Variants in HEMK2 observed in about 807,000 individuals in gnomAD.
The protein encoded by HEMK2 is methyltransferase HEMK2.
chr21:28,732,726 G>A, the HEMK2 span, among the ~76,000 whole-genome samples: 1 of 152,176 alleles, frequency 6.6e-6, no homozygotes, highest in Non-Finnish European at 1.5e-5. Flanking sequence ...CATATATCCA[G>A]TATGTGCACC....
the HEMK2 span, among the ~76,000 whole-genome samples, chr21:28,707,631 T>C: frequency 6.6e-6 from 1 of 152,126 alleles, no homozygotes; most frequent in East Asian, 1.9e-4. Flanking sequence ...TGCTTGTAAA[T>C]AGTTTTTCTA....
chr21:28,851,840 G>T, the HEMK2 span, among the ~76,000 whole-genome samples: 1 of 152,204 alleles, frequency 6.6e-6, no homozygotes, highest in Non-Finnish European at 1.5e-5. Context: ...AAGGTATACT[G>T]CTAGCCTTGC....
chr21:28,583,999 G>A, the HEMK2 span, among the ~76,000 whole-genome samples: 3 of 152,156 alleles, frequency 2.0e-5, no homozygotes, highest in African/African-American at 7.2e-5. Flanking sequence ...AGGAGTCTCT[G>A]AAAGCTACAT....
At chr21:28,837,942 T>C in the HEMK2 span, among the ~76,000 whole-genome samples, 3 of 152,072 alleles carry the variant, frequency 2.0e-5, no homozygotes, top group East Asian at 1.9e-4. Context: ...AAACCCAGAA[T>C]AGATGCATAC....
chr21:28,579,464 T>C, the HEMK2 span, among the ~76,000 whole-genome samples: 1 of 152,216 alleles, frequency 6.6e-6, no homozygotes, highest in Non-Finnish European at 1.5e-5. Context: ...GTCATTATTT[T>C]ACCTTTCTGG....
chr21:28,603,539 GAGGATATATA>G, the HEMK2 span, among the ~76,000 whole-genome samples: 1 of 133,092 alleles, frequency 7.5e-6, no homozygotes, highest in African/African-American at 2.9e-5. Flanking sequence ...TTATTTTACT[GAGGATATATA>G]TGTGTGTGTG....
the HEMK2 span, among the ~76,000 whole-genome samples, chr21:28,693,693 T>C: frequency 6.6e-6 from 1 of 152,232 alleles, no homozygotes; most frequent in Non-Finnish European, 1.5e-5. Flanking sequence ...CTTTCTTCTT[T>C]ATCATATTAA....
At chr21:28,792,472 A>G in the HEMK2 span, among the ~76,000 whole-genome samples, 2 of 152,154 alleles carry the variant, frequency 1.3e-5, no homozygotes, top group Admixed American at 1.3e-4. Flanking sequence ...TGAGACTTAG[A>G]GGGAAAAGCT....
the HEMK2 span, among the ~76,000 whole-genome samples, chr21:28,620,860 G>C: frequency 6.6e-6 from 1 of 151,334 alleles, no homozygotes. Context: ...TTTTAGTAGA[G>C]ACAGGGTTTC....
the HEMK2 span, among the ~76,000 whole-genome samples, chr21:28,842,528 A>C: frequency 1.3e-5 from 2 of 151,986 alleles, no homozygotes; most frequent in African/African-American, 4.8e-5. Flanking sequence ...CTTCCTGATG[A>C]CTCGTAGAGG....
chr21:28,814,252 A>G, the HEMK2 span, among the ~76,000 whole-genome samples: 1 of 152,154 alleles, frequency 6.6e-6, no homozygotes, highest in South Asian at 2.1e-4. Context: ...AAACACTTGA[A>G]TGTAAGACCT....
At chr21:28,626,438 T>C in the HEMK2 span, 1 of 152,110 alleles carries the variant, frequency 6.6e-6, no homozygotes, top group South Asian at 2.1e-4. Context: ...GAAAATGATA[T>C]GGCAAGCACA....
chr21:28,721,936 ACATAC>A, the HEMK2 span, among the ~76,000 whole-genome samples: 5 of 131,360 alleles, frequency 3.8e-5, no homozygotes, highest in East Asian at 2.6e-4. Context: ...ACACACACAC[ACATAC>A]ACCTATTTGA....
the HEMK2 span, among the ~76,000 whole-genome samples, chr21:28,868,073 T>C: frequency 6.6e-6 from 1 of 152,222 alleles, no homozygotes; most frequent in Non-Finnish European, 1.5e-5. Context: ...TACACATTTC[T>C]ATATATGTAC....
the HEMK2 span, among the ~76,000 whole-genome samples, chr21:28,711,673 T>C: frequency 4.6e-5 from 7 of 152,162 alleles, 1 homozygote; most frequent in South Asian, 1.5e-3. Flanking sequence ...GGAAACAATT[T>C]GACAGGGATC....
At chr21:28,662,269 G>A in the HEMK2 span, among the ~76,000 whole-genome samples, 119 of 152,258 alleles carry the variant, frequency 7.8e-4, no homozygotes, top group Admixed American at 1.4e-3. Flanking sequence ...AATTGCTGCT[G>A]CCAAGCTGAA....
chr21:28,576,283 G>T, the HEMK2 span, among the ~76,000 whole-genome samples: 2 of 152,102 alleles, frequency 1.3e-5, no homozygotes, highest in South Asian at 2.1e-4. Context: ...CTTTCTTGGG[G>T]TTAAGTGCTA....
chr21:28,828,240 GGT>G, the HEMK2 span, among the ~76,000 whole-genome samples: 1 of 152,120 alleles, frequency 6.6e-6, no homozygotes, highest in African/African-American at 2.4e-5. Context: ...CAACTCCAAG[GGT>G]TTAAAACCCC....
At chr21:28,880,925 AT>A in the HEMK2 span, among the ~76,000 whole-genome samples, 2 of 112,416 alleles carry the variant, frequency 1.8e-5, no homozygotes, top group African/African-American at 3.7e-5. Context: ...AAAATCATTT[AT>A]TTAAAAAAAA....
Sources: gnomAD v4.1 joint callset for allele counts (sites outside exome capture counted in the v4.1 genomes callset) on GRCh38, gnomAD v4.1.1 for gene constraint, MANE v1.5 for transcripts, NCBI Gene and HGNC (gene_info 2026-07-23, HGNC 2026-07-21) for gene names.